TRIM44: variants seen among roughly 807,000 people sequenced by gnomAD.
TRIM44 encodes tripartite motif containing 44.
TRIM44 carries 13 observed loss-of-function variants against 37.4 expected under a neutral mutation model. The ratio of observed to expected loss-of-function variants is 0.35; its 90% CI spans 0.23 to 0.55. TRIM44 has a LOEUF of 0.55. TRIM44 is among the 20% of genes least tolerant of loss of function. The pLI, the probability that TRIM44 is intolerant of heterozygous loss-of-function variation, is 0.89. For missense variants in TRIM44, 426 were observed against 437.2 expected (o/e 0.97, Z 0.23); for synonymous variants, 175 against 157.2 (o/e 1.11, Z -0.85).
chr11:35,795,990 T>C (rs1853280332), intron 4 of TRIM44, among the ~76,000 whole-genome samples: 1 of 152,218 alleles, frequency 6.6e-6, no homozygotes, highest in African/African-American at 2.4e-5. Flanking sequence ...TACTACATTG[T>C]CCACTATTTC....
At chr11:35,700,796 T>C (rs2135500508) in intron 2 of TRIM44, among the ~76,000 whole-genome samples, 1 of 152,338 alleles carries the variant, frequency 6.6e-6, no homozygotes, top group South Asian at 2.1e-4. Context: ...TGCTCCAAAG[T>C]AGGTAAATTG....
At chr11:35,715,422 GTGT>G (rs1396141111) in intron 2 of TRIM44, among the ~76,000 whole-genome samples, 2 of 151,224 alleles carry the variant, frequency 1.3e-5, no homozygotes, top group African/African-American at 4.9e-5. Context: ...GTGTGTGTGT[GTGT>G]GTGTGGGTGT....
At chr11:35,698,988 C>T (rs1052088607) in intron 2 of TRIM44, among the ~76,000 whole-genome samples, 13 of 145,088 alleles carry the variant, frequency 9.0e-5, no homozygotes, top group Non-Finnish European at 2.0e-4. Context: ...GATCCAGTTT[C>T]AGCTTTCTAC....
In TRIM44 at chr11:35,813,230, T is replaced by C. The variant is rs1465272200; in HGVS notation, c.*6845T>C. 1 of 152,222 alleles carries C rather than the reference T, an allele frequency of 6.6e-6. No individual in the cohort carries two copies. The highest frequency in any genetic ancestry group is 1.5e-5 in the Non-Finnish European group (1 of 68,036). 9.4% of individuals were successfully genotyped at this position (152,222 alleles called of 1,614,324 possible). On this transcript the variant is annotated 3_prime_UTR_variant, in exon 5 of 5. Coordinates refer to ENST00000299413, the MANE Select transcript of TRIM44 (RefSeq NM_017583.6). Reference sequence around the variant, plus strand: ...ATTTACCTAGGGCTTAGCCACCTGATAGCTTTACCTATCCCTATTTCCTGA... The same window carrying C: ...ATTTACCTAGGGCTTAGCCACCTGACAGCTTTACCTATCCCTATTTCCTGA...
intron 4 of TRIM44, among the ~76,000 whole-genome samples, chr11:35,766,091 A>G (rs1171828211): frequency 1.3e-5 from 2 of 152,092 alleles, no homozygotes; most frequent in Non-Finnish European, 2.9e-5. Context: ...TCCTTTTTGC[A>G]TCACTCTCTA....
intron 2 of TRIM44, among the ~76,000 whole-genome samples, chr11:35,700,151 A>G (rs932821323): frequency 2.0e-5 from 3 of 152,170 alleles, no homozygotes; most frequent in African/African-American, 7.2e-5. Flanking sequence ...AGTTTCATAA[A>G]CCTTTTATAG....
chr11:35,703,897 A>T (rs1465543359), intron 2 of TRIM44, among the ~76,000 whole-genome samples: 3 of 152,258 alleles, frequency 2.0e-5, no homozygotes, highest in Non-Finnish European at 4.4e-5. Context: ...GCAACGGAAC[A>T]AAGCTGGATG....
chr11:35,751,346 A>C (rs1852557389), intron 4 of TRIM44, among the ~76,000 whole-genome samples: 1 of 152,110 alleles, frequency 6.6e-6, no homozygotes, highest in African/African-American at 2.4e-5. Context: ...ACGAATAGTA[A>C]TTTTTTTTCA....
chr11:35,685,819 ATGCCC>A (rs1851569956), intron 2 of TRIM44, among the ~76,000 whole-genome samples: 1 of 152,138 alleles, frequency 6.6e-6, no homozygotes, highest in Admixed American at 6.5e-5. Flanking sequence ...CTGCGCCACC[ATGCCC>A]TGCTAATTTT....
intron 4 of TRIM44, among the ~76,000 whole-genome samples, chr11:35,755,586 A>G (rs1490536663): frequency 1.3e-5 from 2 of 152,196 alleles, no homozygotes; most frequent in African/African-American, 4.8e-5. Flanking sequence ...GCCCATGCCT[A>G]TATCCTGAAT....
chr11:35,712,691 T>A (rs1851989628), intron 2 of TRIM44, among the ~76,000 whole-genome samples: 1 of 152,128 alleles, frequency 6.6e-6, no homozygotes, highest in African/African-American at 2.4e-5. Context: ...GATAGTATAC[T>A]CTTTGCCAAA....
chr11:35,765,234 A>G (rs1455049944), intron 4 of TRIM44, among the ~76,000 whole-genome samples: 2 of 152,186 alleles, frequency 1.3e-5, no homozygotes, highest in South Asian at 2.1e-4. Flanking sequence ...TATACCAGAT[A>G]CTGTATGAGG....
At chr11:35,729,217 A>C (rs745193) in intron 3 of TRIM44, among the ~76,000 whole-genome samples, 1 of 151,950 alleles carries the variant, frequency 6.6e-6, no homozygotes, top group Non-Finnish European at 1.5e-5. Context: ...AGCAAACATC[A>C]TGAAAAAAGT....
intron 4 of TRIM44, among the ~76,000 whole-genome samples, chr11:35,791,683 C>T (rs1250687746): frequency 1.3e-5 from 2 of 152,194 alleles, no homozygotes; most frequent in Non-Finnish European, 2.9e-5. Context: ...TGGCATACCC[C>T]CCGCTCCTTG....
chr11:35,776,525 T>G (rs1852965098), intron 4 of TRIM44, among the ~76,000 whole-genome samples: 1 of 152,228 alleles, frequency 6.6e-6, no homozygotes, highest in Non-Finnish European at 1.5e-5. Context: ...TGCTCTTGCT[T>G]CTTTACTTCT....
At chr11:35,718,567 T>A (rs1450578351) in intron 2 of TRIM44, among the ~76,000 whole-genome samples, 1 of 152,184 alleles carries the variant, frequency 6.6e-6, no homozygotes, top group African/African-American at 2.4e-5. Context: ...GGTGAAGCTC[T>A]ACTGACATAT....
In TRIM44 at chr11:35,726,012, A is replaced by T; in HGVS notation, c.836A>T (p.His279Leu). 6.2e-7 allele frequency: 1 copy of T among 1,614,146 alleles called. No homozygotes were observed. The highest frequency in any genetic ancestry group is 8.5e-7 in the Non-Finnish European group (1 of 1,180,016). ...VIADEEQKAL[H>L]LVDIQEAMAT... ...GCTGATGAGGAGCAGAAGGCCCTTCATCTAGTGGACATCCAAGAGGCAATG... is the reference window on the plus strand; with the variant it reads ...GCTGATGAGGAGCAGAAGGCCCTTCTTCTAGTGGACATCCAAGAGGCAATG... Residue 279 changes from histidine (H) to leucine (L), a missense_variant, in exon 3 of 5, where the codon CAT becomes CTT. His to Leu is a moderately conservative substitution (Grantham distance 99). Transcript: ENST00000299413.
In TRIM44 at chr11:35,811,644, C is replaced by T. The variant is rs1454691978; in HGVS notation, c.*5259C>T. 6.6e-6 allele frequency: 1 copy of T among 152,094 alleles called. No homozygotes were observed. The highest frequency in any genetic ancestry group is 6.5e-5 in the Admixed American group (1 of 15,270). 9.4% of individuals were successfully genotyped at this position (152,094 alleles called of 1,614,324 possible). A position where few individuals can be genotyped will look rare whatever the true frequency, so the allele number is the denominator to read the frequency against. Reference sequence around the variant, plus strand: ...CCTTCAGGAGCCAAATGTGAAGACTCAAGATGGTAGATACTGTGTGAATTA... The same window carrying T: ...CCTTCAGGAGCCAAATGTGAAGACTTAAGATGGTAGATACTGTGTGAATTA... On this transcript the variant is annotated 3_prime_UTR_variant, in exon 5 of 5. Transcript: ENST00000299413.
chr11:35,725,104 A>ACC (rs1554931017), intron 2 of TRIM44, among the ~76,000 whole-genome samples: 72 of 142,118 alleles, frequency 5.1e-4, no homozygotes, highest in African/African-American at 1.7e-3. Context: ...ACACACACAC[A>ACC]CCCTCCATCT....
Sources: allele counts gnomAD v4.1 joint callset (sites outside exome capture counted in the v4.1 genomes callset), GRCh38; gene constraint gnomAD v4.1.1; transcripts MANE v1.5; gene names NCBI Gene and HGNC (gene_info 2026-07-23, HGNC 2026-07-21).